ATP8A2: variants seen among roughly 807,000 people sequenced by gnomAD.
ATP8A2 encodes the protein phospholipid-transporting ATPase IB.
In ATP8A2, 100 loss-of-function variants were observed where a neutral mutation model predicts 165.6. That is an observed-to-expected ratio of 0.60 (90% CI 0.51 to 0.71). The LOEUF is 0.71. Ranked by LOEUF, ATP8A2 falls within the 30% of genes least tolerant of loss-of-function variation. The pLI is 0.00. For synonymous variants in ATP8A2, 543 were observed against 548.8 expected (o/e 0.99, Z 0.15); for missense variants, 1,227 against 1,479.5 (o/e 0.83, Z 2.80).
At chr13:25,780,503 T>G (rs778278548) in intron 27 of ATP8A2, among the ~76,000 whole-genome samples, 1 of 152,146 alleles carries the variant, frequency 6.6e-6, no homozygotes, top group Non-Finnish European at 1.5e-5. Flanking sequence ...CCACAGCAAT[T>G]TGGGGACCAA....
At chr13:25,428,472 A>G (rs1171275632) in intron 1 of ATP8A2, among the ~76,000 whole-genome samples, 2 of 152,192 alleles carry the variant, frequency 1.3e-5, no homozygotes, top group Non-Finnish European at 2.9e-5. Flanking sequence ...TGGGAAACAG[A>G]CTTATGAACA....
chr13:25,518,898 T>TG (rs1334309605), intron 2 of ATP8A2, among the ~76,000 whole-genome samples: 1 of 152,184 alleles, frequency 6.6e-6, no homozygotes, highest in Non-Finnish European at 1.5e-5. Context: ...AGAGGAGGGT[T>TG]TGCAGATAGA....
intron 25 of ATP8A2, among the ~76,000 whole-genome samples, chr13:25,735,213 T>C (rs528795235): frequency 6.6e-6 from 1 of 152,334 alleles, no homozygotes; most frequent in Admixed American, 6.5e-5. Flanking sequence ...GCTGAAGAGT[T>C]AGAGGTCATA....
intron 30 of ATP8A2, among the ~76,000 whole-genome samples, chr13:25,857,296 T>C (rs1201893190): frequency 6.6e-6 from 1 of 152,186 alleles, no homozygotes; most frequent in Non-Finnish European, 1.5e-5. Context: ...TGCTCAAATG[T>C]CACCTCCTCA....
chr13:26,005,180 G>C (rs1956714359), intron 35 of ATP8A2, among the ~76,000 whole-genome samples: 1 of 151,856 alleles, frequency 6.6e-6, no homozygotes, highest in African/African-American at 2.4e-5. Context: ...AGTTGTGATA[G>C]GTTGTAAGTG....
intron 24 of ATP8A2, among the ~76,000 whole-genome samples, chr13:25,645,811 C>A (rs1293383513): frequency 6.6e-6 from 1 of 152,034 alleles, no homozygotes; most frequent in Non-Finnish European, 1.5e-5. Flanking sequence ...ATTAAATTTT[C>A]TAAGACTTGT....
chr13:25,885,888 A>AC (rs767363610), intron 33 of ATP8A2, among the ~76,000 whole-genome samples: 6 of 152,158 alleles, frequency 3.9e-5, no homozygotes, highest in Non-Finnish European at 8.8e-5. Context: ...ACCGTTAATA[A>AC]CCAGGATCCC....
At position 26,021,038 on chromosome 13, in the gene ATP8A2, T is replaced by G. The variant is rs1029893640; in HGVS notation, c.*1053T>G. 1.3e-5 allele frequency: 2 copies of G among 152,218 alleles called. No individual in the cohort carries two copies. The highest frequency in any genetic ancestry group is 2.9e-5 in the Non-Finnish European group (2 of 68,078). The allele number at this position is 152,218 out of a possible 1,614,324, so 9.4% of individuals were successfully genotyped here. A position where few individuals can be genotyped will look rare whatever the true frequency, so the allele number is the denominator to read the frequency against. ...AACCCACGTTTGTTTCAGAGCACAT[T>G]TTGGACTTTCACTGTTGGGAAATGA... On this transcript the variant is annotated 3_prime_UTR_variant, in exon 37 of 37. Transcript: ENST00000381655.
chr13:25,474,583 A>G (rs1270374309), intron 2 of ATP8A2, among the ~76,000 whole-genome samples: 12 of 152,016 alleles, frequency 7.9e-5, no homozygotes, highest in Admixed American at 2.0e-4. Flanking sequence ...AAAAAAAAAA[A>G]GAATATTACC....
At chr13:25,522,286 A>G (rs9578882) in intron 2 of ATP8A2, among the ~76,000 whole-genome samples, 9,712 of 152,228 alleles carry the variant, frequency 0.064, 402 homozygotes, top group South Asian at 0.13. Flanking sequence ...CTGTTGGCAT[A>G]TAGAAATGCT....
At chr13:25,627,173 C>T (rs1482413101) in intron 24 of ATP8A2, among the ~76,000 whole-genome samples, 3 of 152,034 alleles carry the variant, frequency 2.0e-5, no homozygotes, top group African/African-American at 7.2e-5. Context: ...ATATGCCAGA[C>T]AGAGGAAATA....
intron 24 of ATP8A2, among the ~76,000 whole-genome samples, chr13:25,654,135 G>T (rs1235002129): frequency 2.6e-5 from 4 of 152,066 alleles, no homozygotes. Flanking sequence ...GTTCTTTTTT[G>T]CTCATTCATA....
chr13:25,469,084 CAACCGCATCTCAACA>C lies in ATP8A2; in HGVS notation c.187_201del (p.Pro63_Lys67del). 1 of 1,614,048 alleles carries C rather than the reference CAACCGCATCTCAACA, an allele frequency of 6.2e-7. No homozygotes were observed. The highest frequency in any genetic ancestry group is 8.5e-7 in the Non-Finnish European group (1 of 1,179,914). ...ACCCGCCCGCACCATTTACCTCAAC[CAACCGCATCTCAACA>C]AATTCCGCGACAACCAGATCAGGTA... On this transcript the variant is annotated inframe_deletion, in exon 2 of 37. Transcript: ENST00000381655.
intron 25 of ATP8A2, among the ~76,000 whole-genome samples, chr13:25,766,101 T>C (rs939759641): frequency 6.6e-6 from 1 of 152,192 alleles, no homozygotes; most frequent in African/African-American, 2.4e-5. Flanking sequence ...TGTGATACTT[T>C]CATGGATGCA....
chr13:25,434,759 G>C (rs1346325384), intron 1 of ATP8A2, among the ~76,000 whole-genome samples: 2 of 152,242 alleles, frequency 1.3e-5, no homozygotes, highest in African/African-American at 4.8e-5. Context: ...TTGATGACTT[G>C]TCTCTCACTC....
intron 35 of ATP8A2, among the ~76,000 whole-genome samples, chr13:25,976,538 G>T (rs1956042275): frequency 1.3e-5 from 2 of 151,846 alleles, no homozygotes; most frequent in Non-Finnish European, 2.9e-5. Flanking sequence ...GACCAGGAGG[G>T]GTGCTTACCT....
intron 24 of ATP8A2, chr13:25,649,100 G>T (rs115677529): frequency 0.031 from 14,541 of 470,910 alleles, 411 homozygotes; most frequent in East Asian, 0.12. Flanking sequence ...CCTTGCGTTG[G>T]TGTTTGTGTA....
intron 30 of ATP8A2, among the ~76,000 whole-genome samples, chr13:25,841,495 T>C (rs1051929125): frequency 6.6e-6 from 1 of 152,224 alleles, no homozygotes; most frequent in African/African-American, 2.4e-5. Context: ...AAATATTAAG[T>C]GTATCAGAAC....
chr13:25,669,032 G>A (rs1311756221), intron 24 of ATP8A2, among the ~76,000 whole-genome samples: 3 of 152,058 alleles, frequency 2.0e-5, no homozygotes, highest in Non-Finnish European at 2.9e-5. Flanking sequence ...CAGTGTTTGA[G>A]CTTCTTGGGG....
Sources: allele counts gnomAD v4.1 joint callset (sites outside exome capture counted in the v4.1 genomes callset), GRCh38; gene constraint gnomAD v4.1.1; transcripts MANE v1.5; gene names NCBI Gene and HGNC (gene_info 2026-07-23, HGNC 2026-07-21).